TMED8: variants seen among roughly 807,000 people sequenced by gnomAD.
The protein encoded by TMED8 is transmembrane p24 trafficking protein family member 8.
In TMED8, 15 loss-of-function variants were observed where a neutral mutation model predicts 32.7. The observed-to-expected ratio is 0.46, with a 90% CI of 0.31 to 0.71. The LOEUF is 0.71. Among genes scored for constraint, TMED8 ranks in the 30% least tolerant of loss-of-function variants. TMED8 has a pLI of 0.06. For synonymous variants in TMED8, 147 were observed against 161.4 expected, an observed-to-expected ratio of 0.91 and a Z score of 0.68; for missense variants, 390 against 423.9, an observed-to-expected ratio of 0.92 and a Z score of 0.70.
At chr14:77,350,265 T>TA (rs1204520703) in intron 2 of TMED8, among the ~76,000 whole-genome samples, 3 of 152,194 alleles carry the variant, frequency 2.0e-5, no homozygotes, top group Admixed American at 2.0e-4. Context: ...GACGGCAACT[T>TA]AAGAGTCTGT....
At chr14:77,350,303 C>T (rs916982559) in intron 2 of TMED8, among the ~76,000 whole-genome samples, 3 of 152,060 alleles carry the variant, frequency 2.0e-5, no homozygotes, top group African/African-American at 7.2e-5. Flanking sequence ...TGTTTTCTGT[C>T]CACTTCCCCC....
At position 77,376,524 on chromosome 14, in the gene TMED8, G is replaced by C. The variant is rs972379409; in HGVS notation, c.118+412C>G. Among the ~76,000 whole-genome samples, 1 of 152,088 alleles carries C rather than the reference G, an allele frequency of 6.6e-6. No individual in the cohort carries two copies. The highest frequency in any genetic ancestry group is 2.4e-5 in the African/African-American group (1 of 41,392). Reference sequence around the variant, plus strand: ...TAAGGCTGGGGCAGGGGACTGAGATGGGGATAGGGTGGGGAGCCAGAAGCA... The same window carrying C: ...TAAGGCTGGGGCAGGGGACTGAGATCGGGATAGGGTGGGGAGCCAGAAGCA... On this transcript the variant is annotated intron_variant, in intron 1 of 5. Coordinates refer to ENST00000216468, the MANE Select transcript of TMED8 (RefSeq NM_213601.3). The surrounding 1 kb of genome is among the most constrained non-coding windows in gnomAD (Gnocchi z 4.0).
intron 1 of TMED8, among the ~76,000 whole-genome samples, chr14:77,361,557 G>C (rs1273050038): frequency 6.6e-6 from 1 of 152,026 alleles, no homozygotes; most frequent in Non-Finnish European, 1.5e-5. Context: ...GGGTATTTGT[G>C]GTTACATACA....
intron 1 of TMED8, among the ~76,000 whole-genome samples, chr14:77,366,327 C>A (rs1379603074): frequency 2.6e-5 from 4 of 152,186 alleles, no homozygotes; most frequent in Non-Finnish European, 1.5e-5. Context: ...CTTCTCTTCG[C>A]AGTACCAGGA....
chr14:77,351,649 A>G (rs1340087547), intron 2 of TMED8, 24 bp downstream of exon 2: 2 of 1,595,236 alleles, frequency 1.3e-6, no homozygotes, highest in Non-Finnish European at 1.7e-6. Flanking sequence ...AAACCTGTGA[A>G]AGCATTCTAT....
rs183546446 is a variant in TMED8 at position 77,364,383 on chromosome 14, A to G, written c.118+12553T>C. Among the ~76,000 whole-genome samples, 5 of 152,152 alleles carry G rather than the reference A, an allele frequency of 3.3e-5. No homozygotes were observed. The East Asian group carries it at 7.7e-4, about 24-fold the overall frequency. On this transcript the variant is annotated intron_variant, in intron 1 of 5. Transcript: ENST00000216468. ...TACTCAGGAGGCTGAGGCTAGGACC[A>G]CAGGTATGCATCACCACATCTGGCT...
rs183180504 is a variant in TMED8 at position 77,363,083 on chromosome 14, A to G, written c.119-11332T>C. Among the ~76,000 whole-genome samples the G allele has an allele frequency of 4.6e-5, 7 of 152,350 alleles. No individual in the cohort carries two copies. In the East Asian group the frequency reaches 1.3e-3, roughly 29 times the overall value. ...GATACATCAACTAGACAGAAAAGTA[A>G]TAAGGAAATACTAGGCTTGAACTAC... On this transcript the variant is annotated intron_variant, in intron 1 of 5. Coordinates refer to ENST00000216468, the MANE Select transcript of TMED8 (RefSeq NM_213601.3).
At chr14:77,344,434 T>C (rs542804485) in intron 3 of TMED8, among the ~76,000 whole-genome samples, 32 of 152,340 alleles carry the variant, frequency 2.1e-4, no homozygotes, top group South Asian at 1.4e-3. Context: ...CAATTTCACC[T>C]TAGACCAGCC....
rs1443789911 is a variant in TMED8, at chr14:77,377,014, T to C, written c.40A>G (p.Ser14Gly). The stretch of plus-strand genomic sequence containing the variant: ...GCCGACCCTGGGCGGGCTGTGGGGC[T>C]CCAGGAGCCCGGCCCCTCAGCCGCC... ...LQAAEGPGSWSPTARPGSAGG... is the reference protein window; with the variant it reads ...LQAAEGPGSWGPTARPGSAGG... The change falls in exon 1 of 6, where the codon AGC (serine) becomes GGC (glycine). Residue 14 changes from serine to glycine, a missense_variant. Transcript: ENST00000216468. 29 of 1,410,860 alleles carry C rather than the reference T, an allele frequency of 2.1e-5. No homozygotes were observed. Among genetic ancestry groups the C allele is most frequent in the Non-Finnish European group, 2.7e-5 (29 of 1,092,520 alleles). The allele number at this position is 1,410,860 out of a possible 1,614,324, so 87.4% of individuals were successfully genotyped here. A position where few individuals can be genotyped will look rare whatever the true frequency, so the allele number is the denominator to read the frequency against.
In TMED8 at chr14:77,335,365, T is replaced by C. The variant is rs1171304887; in HGVS notation, c.*6406A>G. 1.3e-5 allele frequency: 2 copies of C among 152,220 alleles called. No individual in the cohort carries two copies. Among genetic ancestry groups the C allele is most frequent in the African/African-American group, 4.8e-5 (2 of 41,460 alleles). 9.4% of individuals were successfully genotyped at this position (152,220 alleles called of 1,614,324 possible). A position where few individuals can be genotyped will look rare whatever the true frequency, so the allele number is the denominator to read the frequency against. On this transcript the variant is annotated 3_prime_UTR_variant, in exon 6 of 6. Coordinates refer to ENST00000216468, the MANE Select transcript of TMED8 (RefSeq NM_213601.3). Reference sequence around the variant, plus strand: ...TAATAAATGATTAGTTGGGATACTTTTGTATTTTAAAGAAAAAAGATAAAA... The same window carrying C: ...TAATAAATGATTAGTTGGGATACTTCTGTATTTTAAAGAAAAAAGATAAAA...
intron 1 of TMED8, among the ~76,000 whole-genome samples, chr14:77,372,909 TATATA>T (rs1566696203): frequency 0.037 from 293 of 8,008 alleles, 7 homozygotes; most frequent in Middle Eastern, 0.071. Context: ...ACAGATATTA[TATATA>T]TATATATATA....
At chr14:77,346,309 T>G in intron 3 of TMED8, 40 bp downstream of exon 3, 1 of 1,607,640 alleles carries the variant, frequency 6.2e-7, no homozygotes, top group African/African-American at 1.3e-5. Context: ...CACATTCTGG[T>G]GCCTCCTTTC....
intron 1 of TMED8, among the ~76,000 whole-genome samples, chr14:77,375,306 G>A (rs1415429458): frequency 6.6e-6 from 1 of 152,024 alleles, no homozygotes; most frequent in Non-Finnish European, 1.5e-5. Context: ...CTGGGAGGAA[G>A]TGAATGCAGG....
chr14:77,372,932 ATATATATATATATATATATATTTTT>A lies in TMED8; in HGVS notation c.118+3979_118+4003del, dbSNP rs1449070295. On this transcript the variant is annotated intron_variant, in intron 1 of 5. Transcript: ENST00000216468. Reference sequence around the variant, plus strand: ...TATATATATATATATATATATATATATATATATATATATATATATATTTTTTTTTTTTTTTTTTTTTTTTTTTTTT... The same window carrying A: ...TATATATATATATATATATATATATATTTTTTTTTTTTTTTTTTTTTTTTT... 7.4e-4 allele frequency among the ~76,000 whole-genome samples: 24 copies of A among 32,354 alleles called. 1 individual carries two copies. Among genetic ancestry groups the A allele is most frequent in the African/African-American group, 4.0e-3 (22 of 5,468 alleles). 21.2% of individuals were successfully genotyped at this position (32,354 alleles called of 152,430 possible).
intron 1 of TMED8, among the ~76,000 whole-genome samples, chr14:77,360,532 T>A (rs953733674): frequency 6.6e-6 from 1 of 150,728 alleles, no homozygotes; most frequent in Non-Finnish European, 1.5e-5. Context: ...AAGATCTCCT[T>A]CTTTTATAAG....
chr14:77,342,021 C>G, intron 5 of TMED8, 33 bp from the exon 6 acceptor site: 2 of 1,600,636 alleles, frequency 1.2e-6, no homozygotes, highest in East Asian at 4.5e-5. Context: ...TGTTCAGAGA[C>G]TGCGTAAGTC....
At chr14:77,368,212 A>G (rs1177802333) in intron 1 of TMED8, among the ~76,000 whole-genome samples, 1 of 152,240 alleles carries the variant, frequency 6.6e-6, no homozygotes, top group Non-Finnish European at 1.5e-5. Context: ...AAATTTCAGT[A>G]GATAATGCCG....
At chr14:77,358,204 C>T (rs1893340380) in intron 1 of TMED8, among the ~76,000 whole-genome samples, 2 of 141,162 alleles carry the variant, frequency 1.4e-5, no homozygotes, top group Non-Finnish European at 3.1e-5. Context: ...CACACACACA[C>T]GAATATATAT....
At chr14:77,344,193 TC>T (rs1287950608) in intron 3 of TMED8, among the ~76,000 whole-genome samples, 28 of 152,204 alleles carry the variant, frequency 1.8e-4, no homozygotes, top group African/African-American at 6.3e-4. Flanking sequence ...TCCCTGTGGC[TC>T]CTCTCATTAA....
Sources: allele counts gnomAD v4.1 joint callset (sites outside exome capture counted in the v4.1 genomes callset), GRCh38; gene constraint gnomAD v4.1.1; non-coding constraint Gnocchi (gnomAD v3.1); transcripts MANE v1.5; gene names NCBI Gene and HGNC (gene_info 2026-07-23, HGNC 2026-07-21).